The following ST6GALNAC3 variants were observed in gnomAD, a reference collection of about 807,000 sequenced individuals.
The protein encoded by ST6GALNAC3 is alpha-N-acetylgalactosaminide alpha-2,6-sialyltransferase 3.
Under a neutral mutation model 32.7 loss-of-function variants are expected in ST6GALNAC3, and 25 were observed. The ratio of observed to expected loss-of-function variants is 0.76; its 90% CI spans 0.56 to 1.07. ST6GALNAC3 has a LOEUF of 1.07. ST6GALNAC3 is among the 50% of genes least tolerant of loss of function. ST6GALNAC3 has a pLI of 0.00. For missense variants in ST6GALNAC3, 355 were observed against 382.4 expected (o/e 0.93, Z 0.60); for synonymous variants, 129 against 133.1 (o/e 0.97, Z 0.21).
intron 3 of ST6GALNAC3, among the ~76,000 whole-genome samples, chr1:76,544,757 T>C (rs1356611217): frequency 6.6e-6 from 1 of 152,096 alleles, no homozygotes; most frequent in Non-Finnish European, 1.5e-5. Context: ...AGATATACAT[T>C]TAGGAGTTAT....
chr1:76,252,590 C>G (rs1657686202), intron 1 of ST6GALNAC3, among the ~76,000 whole-genome samples: 1 of 152,000 alleles, frequency 6.6e-6, no homozygotes, highest in Non-Finnish European at 1.5e-5. Flanking sequence ...ACCAAGCTCT[C>G]ATTCCTGAAT....
chr1:76,568,161 A>G (rs1665661505), intron 3 of ST6GALNAC3, among the ~76,000 whole-genome samples: 1 of 152,186 alleles, frequency 6.6e-6, no homozygotes, highest in African/African-American at 2.4e-5. Context: ...TCCATCTTGT[A>G]TCATTCCACG....
At chr1:76,607,418 G>C (rs986240716) in intron 3 of ST6GALNAC3, among the ~76,000 whole-genome samples, 1 of 152,138 alleles carries the variant, frequency 6.6e-6, no homozygotes. Flanking sequence ...GAGGCTGAAA[G>C]TTCCAATACT....
At chr1:76,502,740 A>G (rs914993801) in intron 3 of ST6GALNAC3, among the ~76,000 whole-genome samples, 2 of 152,146 alleles carry the variant, frequency 1.3e-5, no homozygotes, top group African/African-American at 4.8e-5. Flanking sequence ...AAAGGGCACA[A>G]TTCAACCTGT....
chr1:76,169,153 G>A (rs1016897870), intron 1 of ST6GALNAC3, among the ~76,000 whole-genome samples: 6 of 152,196 alleles, frequency 3.9e-5, no homozygotes, highest in Admixed American at 2.0e-4. Context: ...TGGTGGTAAT[G>A]TATTCCCTCA....
At chr1:76,612,383 A>G (rs1176303195) in intron 3 of ST6GALNAC3, among the ~76,000 whole-genome samples, 1 of 152,220 alleles carries the variant, frequency 6.6e-6, no homozygotes, top group East Asian at 1.9e-4. Flanking sequence ...TGCAAAAGAC[A>G]ACATGCAGAA....
chr1:76,437,805 A>G (rs1016696044), intron 3 of ST6GALNAC3, among the ~76,000 whole-genome samples: 1 of 151,616 alleles, frequency 6.6e-6, no homozygotes, highest in Non-Finnish European at 1.5e-5. Context: ...CGATCTCTTG[A>G]CCTCATGATC....
intron 3 of ST6GALNAC3, among the ~76,000 whole-genome samples, chr1:76,560,594 G>A (rs951309163): frequency 2.0e-5 from 3 of 152,096 alleles, no homozygotes; most frequent in Non-Finnish European, 2.9e-5. Flanking sequence ...GCTCAACATC[G>A]CTGATCATCA....
intron 1 of ST6GALNAC3, among the ~76,000 whole-genome samples, chr1:76,213,835 A>G (rs910671994): frequency 1.3e-5 from 2 of 152,148 alleles, no homozygotes; most frequent in Admixed American, 6.5e-5. Flanking sequence ...TTCAGACTAC[A>G]TGCTTTAGAT....
chr1:76,516,986 A>G (rs1200925032), intron 3 of ST6GALNAC3, among the ~76,000 whole-genome samples: 1 of 151,954 alleles, frequency 6.6e-6, no homozygotes, highest in African/African-American at 2.4e-5. Flanking sequence ...AATTTTTTCT[A>G]AGTCCTTTTA....
chr1:76,145,015 C>T (rs1650588100), intron 1 of ST6GALNAC3, among the ~76,000 whole-genome samples: 2 of 152,166 alleles, frequency 1.3e-5, no homozygotes, highest in South Asian at 4.1e-4. Context: ...TGCCTTGTCT[C>T]AAGAATCAGC....
chr1:76,082,913 A>G (rs1646917065), intron 1 of ST6GALNAC3, among the ~76,000 whole-genome samples: 1 of 152,020 alleles, frequency 6.6e-6, no homozygotes, highest in Admixed American at 6.6e-5. Context: ...CTGTGCACAC[A>G]TAGCAAATAT....
chr1:76,191,653 T>A (rs1206679598), intron 1 of ST6GALNAC3, among the ~76,000 whole-genome samples: 1 of 151,932 alleles, frequency 6.6e-6, no homozygotes, highest in Non-Finnish European at 1.5e-5. Flanking sequence ...ATATGTAAAA[T>A]TACAATGTGT....
intron 3 of ST6GALNAC3, among the ~76,000 whole-genome samples, chr1:76,543,637 A>G (rs927898219): frequency 4.6e-5 from 7 of 152,150 alleles, no homozygotes; most frequent in African/African-American, 1.7e-4. Context: ...CAGAGCTAAA[A>G]TTAGACAAAG....
At chr1:76,400,505 G>A (rs1258061323) in intron 2 of ST6GALNAC3, among the ~76,000 whole-genome samples, 2 of 152,102 alleles carry the variant, frequency 1.3e-5, no homozygotes, top group African/African-American at 2.4e-5. Flanking sequence ...AATGAAGTGG[G>A]CCTGCCTCTT....
intron 3 of ST6GALNAC3, among the ~76,000 whole-genome samples, chr1:76,490,210 T>A (rs766026168): frequency 5.3e-5 from 8 of 152,036 alleles, no homozygotes; most frequent in Non-Finnish European, 1.0e-4. Flanking sequence ...AATAGGAAGG[T>A]GGAGATGGCT....
At chr1:76,148,274 A>G (rs141865473) in intron 1 of ST6GALNAC3, among the ~76,000 whole-genome samples, 19 of 152,314 alleles carry the variant, frequency 1.2e-4, no homozygotes, top group African/African-American at 4.6e-4. Flanking sequence ...TTTTTCCCTA[A>G]AAGGCATTTC....
At chr1:76,556,506 T>A (rs1557567196) in intron 3 of ST6GALNAC3, among the ~76,000 whole-genome samples, 1 of 152,130 alleles carries the variant, frequency 6.6e-6, no homozygotes, top group Non-Finnish European at 1.5e-5. Context: ...ACCAACAGTT[T>A]ATGAGGGTTC....
intron 3 of ST6GALNAC3, among the ~76,000 whole-genome samples, chr1:76,417,130 A>G (rs956728439): frequency 6.6e-6 from 1 of 151,608 alleles, no homozygotes. Flanking sequence ...AGACAGGGTG[A>G]CCTTGTGGGA....
Sources: allele counts gnomAD v4.1 joint callset (sites outside exome capture counted in the v4.1 genomes callset), GRCh38; gene constraint gnomAD v4.1.1; transcripts MANE v1.5; gene names NCBI Gene and HGNC (gene_info 2026-07-23, HGNC 2026-07-21).